The following ESRRG variants were observed in gnomAD, a reference collection of about 807,000 sequenced individuals.
ESRRG encodes estrogen-related receptor gamma.
In ESRRG, 13 loss-of-function variants were observed where a neutral mutation model predicts 44.0. That is an observed-to-expected ratio of 0.30 (90% CI 0.19 to 0.47). ESRRG has a LOEUF of 0.47. Among genes scored for constraint, ESRRG ranks in the 20% least tolerant of loss-of-function variants. The pLI, the probability that ESRRG is intolerant of heterozygous loss-of-function variation, is 1.00. For synonymous variants in ESRRG, 215 were observed against 214.6 expected (o/e 1.00, Z -0.02); for missense variants, 395 against 580.6 (o/e 0.68, Z 3.29).
rs1173666594 is a variant in ESRRG at position 216,790,159 on chromosome 1, GC to G, written c.-13-112669del. On this transcript the variant is annotated intron_variant, in intron 2 of 7. Coordinates refer to the ESRRG transcript ENST00000359162. ...CTAAATAACTGTGAGGAACAGAGCT[GC>G]CTGACAACCTGCCATAGTCACTTCA... Among the ~76,000 whole-genome samples the G allele has an allele frequency of 2.0e-5, 3 of 152,152 alleles. No individual in the cohort carries two copies. The East Asian group carries it at 5.8e-4, about 29-fold the overall frequency.
chr1:216,999,927 C>T (rs2076815196), intron 1 of ESRRG, among the ~76,000 whole-genome samples: 1 of 152,160 alleles, frequency 6.6e-6, no homozygotes, highest in South Asian at 2.1e-4. Flanking sequence ...ACTCTTTATG[C>T]TTCTGTTCCA....
intron 2 of ESRRG, among the ~76,000 whole-genome samples, chr1:216,907,719 G>C (rs2059843216): frequency 6.6e-6 from 1 of 152,142 alleles, no homozygotes; most frequent in Non-Finnish European, 1.5e-5. Context: ...TTTTTAAAGA[G>C]TGCATAATCT....
intron 6 of ESRRG, among the ~76,000 whole-genome samples, chr1:216,513,249 C>A (rs569916064): frequency 1.3e-5 from 2 of 152,166 alleles, no homozygotes; most frequent in Non-Finnish European, 1.5e-5. Context: ...GGTGGATGGT[C>A]TCTTCTAGAA....
At chr1:216,877,257 G>A (rs1343402808) in intron 2 of ESRRG, among the ~76,000 whole-genome samples, 1 of 151,954 alleles carries the variant, frequency 6.6e-6, no homozygotes, top group Non-Finnish European at 1.5e-5. Flanking sequence ...TCATTGGTCT[G>A]TGCAAGACTC....
chr1:217,025,685 GCC>G (rs989067763), intron 1 of ESRRG, among the ~76,000 whole-genome samples: 39 of 152,278 alleles, frequency 2.6e-4, no homozygotes, highest in African/African-American at 9.4e-4. Context: ...TCCAAACACA[GCC>G]CCTATCTACT....
intron 3 of ESRRG, among the ~76,000 whole-genome samples, chr1:216,638,852 C>A (rs1337376872): frequency 2.6e-5 from 4 of 152,122 alleles, no homozygotes; most frequent in African/African-American, 9.7e-5. Context: ...AGCTCCTGGG[C>A]AGAATAACCT....
chr1:217,042,671 G>A (rs544783171), intron 1 of ESRRG, among the ~76,000 whole-genome samples: 1 of 152,030 alleles, frequency 6.6e-6, no homozygotes, highest in South Asian at 2.1e-4. Flanking sequence ...AAGGAACTTT[G>A]AAGATGTTTC....
At chr1:216,880,619 G>A (rs1212212203) in intron 2 of ESRRG, among the ~76,000 whole-genome samples, 3 of 152,142 alleles carry the variant, frequency 2.0e-5, no homozygotes, top group Admixed American at 6.5e-5. Context: ...TCAGGTAAAT[G>A]TTCCTAACAT....
intron 5 of ESRRG, among the ~76,000 whole-genome samples, chr1:216,537,897 T>A (rs775516726): frequency 2.0e-4 from 30 of 152,238 alleles, no homozygotes; most frequent in Non-Finnish European, 3.8e-4. Flanking sequence ...GCACTGTTTG[T>A]CTTCCTGTGT....
chr1:216,503,579 C>T lies in ESRRG; in HGVS notation c.*3360G>A, dbSNP rs2040700240. The T allele has an allele frequency of 6.6e-6, 1 of 152,316 alleles. No individual in the cohort carries two copies. The highest frequency in any genetic ancestry group is 6.6e-5 in the Admixed American group (1 of 15,236). 9.4% of individuals were successfully genotyped at this position (152,316 alleles called of 1,614,324 possible). A position where few individuals can be genotyped will look rare whatever the true frequency, so the allele number is the denominator to read the frequency against. ...ATTATAAGCAGTTTAAATTTTTTGTCCTTTTACGATCTTTGCACATAAGAC... is the reference window on the plus strand; with the variant it reads ...ATTATAAGCAGTTTAAATTTTTTGTTCTTTTACGATCTTTGCACATAAGAC... On this transcript the variant is annotated 3_prime_UTR_variant, in exon 7 of 7. Coordinates refer to ENST00000408911, the MANE Select transcript of ESRRG (RefSeq NM_001438.4).
chr1:217,115,053 G>A (rs1048579711), intron 1 of ESRRG, among the ~76,000 whole-genome samples: 1 of 151,978 alleles, frequency 6.6e-6, no homozygotes, highest in Admixed American at 6.6e-5. Context: ...AGGGAAAGAG[G>A]TTTCCATGTG....
chr1:216,953,800 G>A (rs2150101262), intron 1 of ESRRG, among the ~76,000 whole-genome samples: 1 of 152,122 alleles, frequency 6.6e-6, no homozygotes, highest in East Asian at 1.9e-4. Context: ...ATAAAATATA[G>A]CTCAAGTATT....
chr1:216,948,567 A>G (rs1181709984), intron 1 of ESRRG, among the ~76,000 whole-genome samples: 2 of 151,830 alleles, frequency 1.3e-5, no homozygotes, highest in Non-Finnish European at 2.9e-5. Flanking sequence ...CTATTAGCTA[A>G]TATTTCCAGA....
At chr1:216,842,587 T>G (rs2095669151) in intron 2 of ESRRG, among the ~76,000 whole-genome samples, 1 of 152,166 alleles carries the variant, frequency 6.6e-6, no homozygotes, top group Non-Finnish European at 1.5e-5. Context: ...GCAGATGTGC[T>G]TTCTGCCCGG....
intron 2 of ESRRG, among the ~76,000 whole-genome samples, chr1:216,846,747 T>A: frequency 6.6e-6 from 1 of 152,096 alleles, no homozygotes; most frequent in East Asian, 1.9e-4. Flanking sequence ...ACTAATTTAG[T>A]TAACTTAGAG....
At chr1:217,000,500 T>C (rs1255895548) in intron 1 of ESRRG, 1 of 152,182 alleles carries the variant, frequency 6.6e-6, no homozygotes, top group Non-Finnish European at 1.5e-5. Context: ...ATCAAATGAT[T>C]TCATCTTAAC....
intron 2 of ESRRG, among the ~76,000 whole-genome samples, chr1:216,740,928 T>A (rs1194555877): frequency 6.6e-6 from 1 of 151,848 alleles, no homozygotes; most frequent in Admixed American, 6.6e-5. Flanking sequence ...TCTTTCATTT[T>A]TCCACCTTCT....
intron 2 of ESRRG, among the ~76,000 whole-genome samples, chr1:216,938,876 A>G (rs1430425921): frequency 6.6e-6 from 1 of 152,224 alleles, no homozygotes; most frequent in Non-Finnish European, 1.5e-5. Context: ...ACATGCTATG[A>G]TCCTCGTATG....
intron 2 of ESRRG, among the ~76,000 whole-genome samples, chr1:216,908,052 TA>T (rs2059884365): frequency 6.6e-6 from 1 of 152,254 alleles, no homozygotes; most frequent in African/African-American, 2.4e-5. Context: ...AATTCCAACT[TA>T]TTCATGTTCT....
Sources: allele counts gnomAD v4.1 joint callset (sites outside exome capture counted in the v4.1 genomes callset), GRCh38; gene constraint gnomAD v4.1.1; transcripts MANE v1.5; gene names NCBI Gene and HGNC (gene_info 2026-07-23, HGNC 2026-07-21).